The following LGR6 variants were observed in gnomAD, a reference collection of about 807,000 sequenced individuals.
The protein encoded by LGR6 is leucine rich repeat containing G protein-coupled receptor 6.
In LGR6, 45 loss-of-function variants were observed where a neutral mutation model predicts 69.4. The ratio of observed to expected loss-of-function variants is 0.65; its 90% CI spans 0.51 to 0.83. The LOEUF is 0.83. Ranked by LOEUF, LGR6 falls within the 40% of genes least tolerant of loss-of-function variation. The probability of loss-of-function intolerance (pLI) is 0.00; values close to 1 mark genes in which losing one functional copy is unlikely to be tolerated. For missense variants in LGR6, 1,108 were observed against 1,246.7 expected, an observed-to-expected ratio of 0.89 and a Z score of 1.68; for synonymous variants, 538 against 555.0, an observed-to-expected ratio of 0.97 and a Z score of 0.43.
intron 4 of LGR6, among the ~76,000 whole-genome samples, chr1:202,265,820 A>G (rs1012110285): frequency 6.6e-6 from 1 of 152,200 alleles, no homozygotes; most frequent in African/African-American, 2.4e-5. Flanking sequence ...CACAGACTGA[A>G]TATCCATGGT....
At chr1:202,279,765 C>T (rs969730991) in intron 5 of LGR6, among the ~76,000 whole-genome samples, 2 of 152,210 alleles carry the variant, frequency 1.3e-5, no homozygotes, top group African/African-American at 4.8e-5. Flanking sequence ...ACCATAGTCA[C>T]CATGATTATC....
intron 4 of LGR6, among the ~76,000 whole-genome samples, chr1:202,258,009 G>C (rs1199489481): frequency 6.6e-6 from 1 of 152,006 alleles, no homozygotes; most frequent in Non-Finnish European, 1.5e-5. Context: ...GTCATTTTGA[G>C]AGTATAGGTT....
At chr1:202,239,255 T>G (rs1661933107) in intron 4 of LGR6, among the ~76,000 whole-genome samples, 1 of 152,108 alleles carries the variant, frequency 6.6e-6, no homozygotes, top group Admixed American at 6.5e-5. Flanking sequence ...CTTCAAGCTT[T>G]CAGGCCCCGG....
chr1:202,272,118 C>G (rs1025171904), intron 4 of LGR6, among the ~76,000 whole-genome samples: 1 of 152,196 alleles, frequency 6.6e-6, no homozygotes, highest in African/African-American at 2.4e-5. Context: ...TTGCATGGGA[C>G]TTATTCAAAC....
At chr1:202,233,619 C>A (rs12060619) in intron 3 of LGR6, among the ~76,000 whole-genome samples, 3,847 of 152,222 alleles carry the variant, frequency 0.025, 181 homozygotes, top group African/African-American at 0.087. Context: ...CACCTTCTGG[C>A]AGCCTCTTCC....
In LGR6 at chr1:202,319,300, C is replaced by T; in HGVS notation, c.*93C>T. 2 of 1,347,292 alleles carry T rather than the reference C, an allele frequency of 1.5e-6. No individual in the cohort carries two copies. Among genetic ancestry groups the T allele is most frequent in the Non-Finnish European group, 2.0e-6 (2 of 1,006,518 alleles). The allele number at this position is 1,347,292 out of a possible 1,614,324, so 83.5% of individuals were successfully genotyped here. On this transcript the variant is annotated 3_prime_UTR_variant, in exon 18 of 18. Transcript: ENST00000367278. ...GCTTCTAAAACAAATACAACCAAAA[C>T]TCAGCAGTGTGATCTATAGCAGGAT...
At chr1:202,199,622 C>G (rs1187652566) in intron 1 of LGR6, among the ~76,000 whole-genome samples, 1 of 147,910 alleles carries the variant, frequency 6.8e-6, no homozygotes, top group Non-Finnish European at 1.5e-5. Context: ...CCCTGATGGC[C>G]CCACATGCGC....
intron 4 of LGR6, among the ~76,000 whole-genome samples, chr1:202,261,697 C>G (rs1664249754): frequency 6.6e-6 from 1 of 152,200 alleles, no homozygotes; most frequent in Non-Finnish European, 1.5e-5. Context: ...TACAGTCCCA[C>G]CAACAGTGTA....
Position 202,318,577 on chromosome 1 carries a change from G to A in LGR6, c.2274G>A (p.Leu758=). 1 of 1,614,014 alleles carries A rather than the reference G, an allele frequency of 6.2e-7. No homozygotes were observed. Among genetic ancestry groups the A allele is most frequent in the Non-Finnish European group, 8.5e-7 (1 of 1,180,012 alleles). The stretch of plus-strand genomic sequence containing the variant: ...CCTACATCAAACTGTACTGTGACCT[G>A]CCGCGGGGCGACTTTGAGGCCGTGT... ...AGAYIKLYCD[L]PRGDFEAVWD... Residue 758 remains leucine, a synonymous_variant, in exon 18 of 18, where the codon CTG becomes CTA. Transcript: ENST00000367278.
At chr1:202,304,523 G>T (rs1667835427) in intron 10 of LGR6, 36 bp from the exon 11 acceptor site, 1 of 1,543,862 alleles carries the variant, frequency 6.5e-7, no homozygotes, top group Non-Finnish European at 8.9e-7. Context: ...CAGGGCCCTG[G>T]GCCTGGTGCC....
chr1:202,195,372 C>T (rs2147882329), intron 1 of LGR6, among the ~76,000 whole-genome samples: 1 of 152,238 alleles, frequency 6.6e-6, no homozygotes, highest in South Asian at 2.1e-4. Context: ...GGTAGAGGGT[C>T]CCAGAGGGCA....
At chr1:202,225,219 A>T (rs535454696) in intron 1 of LGR6, 17 of 523,670 alleles carry the variant, frequency 3.2e-5, no homozygotes, top group African/African-American at 3.1e-4. Context: ...TCACCAAATG[A>T]CCCGGGAGGC....
chr1:202,195,401 C>T (rs572457846), intron 1 of LGR6, among the ~76,000 whole-genome samples: 1 of 152,196 alleles, frequency 6.6e-6, no homozygotes, highest in African/African-American at 2.4e-5. Flanking sequence ...TGGGGCTCCT[C>T]TCCAAATGTC....
In LGR6 at chr1:202,199,943, TC is replaced by T. The variant is rs544041088; in HGVS notation, c.212+5743del. Among the ~76,000 whole-genome samples the T allele has an allele frequency of 3.6e-3, 555 of 152,350 alleles. 2 individuals are homozygous for T. Among genetic ancestry groups the T allele is most frequent in the Non-Finnish European group, 6.3e-3 (429 of 68,032 alleles). On this transcript the variant is annotated intron_variant, in intron 1 of 17. Transcript: ENST00000367278. ...ATTAATATTGTTTTTCTTATTGCCT[TC>T]AGCTACAAATAAACTACTGTGAAAA...
chr1:202,310,360 G>A lies in LGR6; in HGVS notation c.1567+3G>A, dbSNP rs866917451. On this transcript the variant is annotated splice_donor_region_variant and intron_variant, in intron 16 of 17. Transcript: ENST00000367278. The stretch of plus-strand genomic sequence containing the variant: ...TGCCAGACAAGCAGAGAACCACTGT[G>A]AGTGACCAGGGGCCCTGGGTTGGGG... The A allele has an allele frequency of 8.1e-6, 13 of 1,613,156 alleles. No individual in the cohort carries two copies. The Middle Eastern group carries it at 1.6e-3, about 196-fold the overall frequency.
chr1:202,194,245 G>A, intron 1 of LGR6, 44 bp downstream of exon 1: 1 of 1,399,764 alleles, frequency 7.1e-7, no homozygotes, highest in Non-Finnish European at 9.6e-7. Flanking sequence ...GCGGGCTGCT[G>A]GCTAGCGCCC....
intron 3 of LGR6, among the ~76,000 whole-genome samples, chr1:202,228,899 A>G (rs1660781723): frequency 6.6e-6 from 1 of 151,788 alleles, no homozygotes. Flanking sequence ...GTCATTCCCA[A>G]CTCTGCTACT....
chr1:202,318,306 G>C lies in LGR6; in HGVS notation c.2003G>C (p.Ser668Thr). The C allele has an allele frequency of 1.3e-6, 2 of 1,595,314 alleles. No individual in the cohort carries two copies. Among genetic ancestry groups the C allele is most frequent in the East Asian group, 2.2e-5 (1 of 44,562 alleles). ...LLLTLAAVQCSVSVSCVRAYG... is the reference protein window; with the variant it reads ...LLLTLAAVQCTVSVSCVRAYG... Reference sequence around the variant, plus strand: ...CTCACTCTGGCCGCAGTGCAGTGCAGCGTCTCCGTCTCCTGTGTCCGGGCC... The same window carrying C: ...CTCACTCTGGCCGCAGTGCAGTGCACCGTCTCCGTCTCCTGTGTCCGGGCC... Residue 668 changes from serine to threonine, a missense_variant, in exon 18 of 18, where the codon AGC becomes ACC. Physicochemically the swap from Ser to Thr is moderately conservative, Grantham distance 58 (BLOSUM62 1). Coordinates refer to ENST00000367278, the MANE Select transcript of LGR6 (RefSeq NM_001017403.2).
At chr1:202,251,268 G>A (rs538721859) in intron 4 of LGR6, among the ~76,000 whole-genome samples, 3 of 152,174 alleles carry the variant, frequency 2.0e-5, no homozygotes, top group African/African-American at 7.2e-5. Flanking sequence ...GCTCGTATGT[G>A]GATCACCCTA....
Sources: allele counts gnomAD v4.1 joint callset (sites outside exome capture counted in the v4.1 genomes callset), GRCh38; gene constraint gnomAD v4.1.1; transcripts MANE v1.5; gene names NCBI Gene and HGNC (gene_info 2026-07-23, HGNC 2026-07-21).